GEMIN5: variants seen among roughly 807,000 people sequenced by gnomAD.
The protein encoded by GEMIN5 is gem nuclear organelle associated protein 5.
GEMIN5 carries 124 observed loss-of-function variants against 176.9 expected under a neutral mutation model. The ratio of observed to expected loss-of-function variants is 0.70; its 90% confidence interval spans 0.61 to 0.81. The LOEUF (loss-of-function observed/expected upper bound fraction) is 0.81, where lower values mean the gene tolerates loss of function less well. Ranked by LOEUF, GEMIN5 falls within the 40% of genes least tolerant of loss-of-function variation. The probability of loss-of-function intolerance (pLI) is 0.00; values close to 1 mark genes in which losing one functional copy is unlikely to be tolerated. For synonymous variants in GEMIN5, 673 were observed against 665.2 expected, an observed-to-expected ratio of 1.01 and a Z score of -0.18; for missense variants, 1,843 against 1,814.6, an observed-to-expected ratio of 1.02 and a Z score of -0.28.
chr5:154,936,906 A>C (rs1386988678), intron 2 of GEMIN5, 119 bp downstream of exon 2: 29 of 752,152 alleles, frequency 3.9e-5, no homozygotes, highest in Non-Finnish European at 5.7e-5. Flanking sequence ...TTCTTATCTA[A>C]TTAATGAACA....
At chr5:154,910,662 A>T (rs1763681698) in intron 15 of GEMIN5, among the ~76,000 whole-genome samples, 1 of 152,076 alleles carries the variant, frequency 6.6e-6, no homozygotes, top group South Asian at 2.1e-4. Flanking sequence ...GATACCAATT[A>T]ATCTTTCTTA....
intron 23 of GEMIN5, among the ~76,000 whole-genome samples, chr5:154,896,822 T>C (rs201626285): frequency 1.3e-5 from 2 of 152,196 alleles, no homozygotes; most frequent in Non-Finnish European, 2.9e-5. Flanking sequence ...ATAGGTTTAA[T>C]AGAGGAAGCT....
intron 26 of GEMIN5, 78 bp downstream of exon 26, chr5:154,891,163 G>A (rs1434179102): frequency 2.2e-6 from 3 of 1,375,500 alleles, no homozygotes; most frequent in African/African-American, 3.0e-5. Flanking sequence ...CCAAAGTGCT[G>A]GGATTATAGG....
At position 154,934,659 on chromosome 5, in the gene GEMIN5, T is replaced by C. The variant is rs78137514; in HGVS notation, c.509+1182A>G. ...CCCGTACGCCCCGTCTCCTTCTCCC[T>C]CTCCCTCAAGAGTACTTACTCCACA... On this transcript the variant is annotated intron_variant, in intron 3 of 27. Coordinates refer to ENST00000285873, the MANE Select transcript of GEMIN5 (RefSeq NM_015465.5). 5.0e-3 allele frequency among the ~76,000 whole-genome samples: 766 copies of C among 152,160 alleles called. 3 individuals are homozygous for C. Among genetic ancestry groups the C allele is most frequent in the African/African-American group, 0.017 (720 of 41,514 alleles).
chr5:154,932,589 T>C (rs554360831), intron 3 of GEMIN5, among the ~76,000 whole-genome samples: 2 of 152,122 alleles, frequency 1.3e-5, no homozygotes, highest in Non-Finnish European at 2.9e-5. Context: ...CTCTTCTTTT[T>C]TCCTTCTCTG....
In GEMIN5 at chr5:154,938,051, A is replaced by T. The variant is rs776156600; in HGVS notation, c.83T>A (p.Phe28Tyr). The T allele has an allele frequency of 6.5e-7, 1 of 1,543,628 alleles. No individual in the cohort carries two copies. Among genetic ancestry groups the T allele is most frequent in the Non-Finnish European group, 8.7e-7 (1 of 1,148,980 alleles). Reference sequence around the variant, plus strand: ...GACGGAGGTCCGCGCGGCGAAGCCAAAGAGGCCCCCGGGCACGGCATCGCT... The same window carrying T: ...GACGGAGGTCCGCGCGGCGAAGCCATAGAGGCCCCCGGGCACGGCATCGCT... ...RCSDAVPGGL[F>Y]GFAARTSVFL... Residue 28 changes from phenylalanine to tyrosine, a missense_variant, in exon 1 of 28, where the codon TTT becomes TAT. Physicochemically the swap from Phe to Tyr is conservative, Grantham distance 22. Transcript: ENST00000285873.
chr5:154,920,023 G>T lies in GEMIN5; in HGVS notation c.1543C>A (p.Leu515Ile), dbSNP rs776752823. 6.2e-7 allele frequency: 1 copy of T among 1,613,338 alleles called. No individual in the cohort carries two copies. Among genetic ancestry groups the T allele is most frequent in the Non-Finnish European group, 8.5e-7 (1 of 1,179,408 alleles). The change falls in exon 11 of 28, where the codon CTT (leucine) becomes ATT (isoleucine). Residue 515 changes from leucine (L) to isoleucine (I), a missense_variant. Coordinates refer to ENST00000285873, the MANE Select transcript of GEMIN5 (RefSeq NM_015465.5). The part of the protein sequence containing the change: ...GIVLQHNPWK[L>I]SGEAFDINKL... Reference sequence around the variant, plus strand: ...TTGATGTCAAAGGCTTCTCCACTAAGCTTCCAGGGATTATGCTGTAAGACA... The same window carrying T: ...TTGATGTCAAAGGCTTCTCCACTAATCTTCCAGGGATTATGCTGTAAGACA...
Position 154,909,133 on chromosome 5 carries a change from ATTTTT to A in GEMIN5, c.2168-1320_2168-1316del, listed in dbSNP as rs70981958. ...GACACCATGCCTGGGTAATTTTTGT[ATTTTT>A]TTTTTTTTTTTTTTTTGTAGAGATG... On this transcript the variant is annotated intron_variant, in intron 15 of 27. Transcript: ENST00000285873. Among the ~76,000 whole-genome samples the A allele has an allele frequency of 4.4e-3, 441 of 99,708 alleles. 2 individuals are homozygous for A. The highest frequency in any genetic ancestry group is 0.016 in the African/African-American group (409 of 24,856). The allele number at this position is 99,708 out of a possible 152,430, so 65.4% of individuals were successfully genotyped here.
At chr5:154,895,796 G>T (rs1763335681) in intron 24 of GEMIN5, among the ~76,000 whole-genome samples, 1 of 152,196 alleles carries the variant, frequency 6.6e-6, no homozygotes, top group Non-Finnish European at 1.5e-5. Context: ...TCTGAGGCGG[G>T]AGAATCACTT....
chr5:154,916,545 T>C (rs1194016332), intron 13 of GEMIN5, among the ~76,000 whole-genome samples: 1 of 152,130 alleles, frequency 6.6e-6, no homozygotes, highest in East Asian at 1.9e-4. Flanking sequence ...TAGGGTGCAG[T>C]GGTGCAAATA....
At chr5:154,937,704 A>T (rs1033380980) in intron 1 of GEMIN5, among the ~76,000 whole-genome samples, 1 of 152,190 alleles carries the variant, frequency 6.6e-6, no homozygotes, top group African/African-American at 2.4e-5. Context: ...GAGCCATATA[A>T]ATGGCCGAGA....
At chr5:154,906,439 C>G (rs1430869283) in intron 16 of GEMIN5, among the ~76,000 whole-genome samples, 3 of 152,172 alleles carry the variant, frequency 2.0e-5, no homozygotes, top group Non-Finnish European at 4.4e-5. Flanking sequence ...TTTAATTACA[C>G]TAACAGGAGT....
chr5:154,930,078 A>C (rs1174476105), intron 5 of GEMIN5, among the ~76,000 whole-genome samples: 1 of 151,980 alleles, frequency 6.6e-6, no homozygotes, highest in East Asian at 1.9e-4. Flanking sequence ...TACCTGCTCC[A>C]TCCTGACTCA....
chr5:154,896,769 T>G (rs1763360964), intron 23 of GEMIN5, among the ~76,000 whole-genome samples: 2 of 152,206 alleles, frequency 1.3e-5, no homozygotes, highest in South Asian at 4.1e-4. Flanking sequence ...AGACAAGCTT[T>G]GCAGATCCAA....
chr5:154,893,892 C>T lies in GEMIN5; in HGVS notation c.3598-1343G>A, dbSNP rs190055630. 3.1e-4 allele frequency among the ~76,000 whole-genome samples: 47 copies of T among 152,150 alleles called. No homozygotes were observed. The East Asian group carries it at 8.7e-3, about 28-fold the overall frequency. ...CAGAGTGGCTGGGACTACAGGAGCC[C>T]GCCACCACGCGCGGCTAACACCGAT... On this transcript the variant is annotated intron_variant, in intron 24 of 27. Coordinates refer to ENST00000285873, the MANE Select transcript of GEMIN5 (RefSeq NM_015465.5).
chr5:154,925,583 A>C (rs1764012954), intron 8 of GEMIN5, among the ~76,000 whole-genome samples: 1 of 152,192 alleles, frequency 6.6e-6, no homozygotes, highest in Non-Finnish European at 1.5e-5. Context: ...ACATTTGGTT[A>C]TCTTATAACT....
intron 12 of GEMIN5, among the ~76,000 whole-genome samples, chr5:154,917,510 C>G (rs1410647396): frequency 6.6e-6 from 1 of 152,146 alleles, no homozygotes; most frequent in Non-Finnish European, 1.5e-5. Context: ...GTTCATCAGG[C>G]ATTAATGACA....
rs377560926 is a variant in GEMIN5 at position 154,917,185 on chromosome 5, A to G, written c.1674-6T>C. The G allele has an allele frequency of 6.3e-5, 92 of 1,454,172 alleles. No individual in the cohort carries two copies. In the African/African-American group the frequency reaches 1.2e-3, roughly 19 times the overall value. 90.1% of individuals were successfully genotyped at this position (1,454,172 alleles called of 1,614,324 possible). A position where few individuals can be genotyped will look rare whatever the true frequency, so the allele number is the denominator to read the frequency against. ...TCTGAAATATTTCTATTGATCTGGAATAAGAAACACATCAAAACAAGAAAG... is the reference window on the plus strand; with the variant it reads ...TCTGAAATATTTCTATTGATCTGGAGTAAGAAACACATCAAAACAAGAAAG... On this transcript the variant is annotated splice_polypyrimidine_tract_variant and splice_region_variant and intron_variant, in intron 12 of 27. Transcript: ENST00000285873.
chr5:154,917,320 T>C (rs1763834899), intron 12 of GEMIN5, 141 bp from the exon 13 acceptor site: 3 of 424,942 alleles, frequency 7.1e-6, no homozygotes, highest in Non-Finnish European at 1.3e-5. Context: ...CAAAGGTCAT[T>C]CTCTCATAAA....
Sources: gnomAD v4.1 joint callset for allele counts (sites outside exome capture counted in the v4.1 genomes callset) on GRCh38, gnomAD v4.1.1 for gene constraint, MANE v1.5 for transcripts, NCBI Gene and HGNC (gene_info 2026-07-23, HGNC 2026-07-21) for gene names.